SOBP: variants seen among roughly 807,000 people sequenced by gnomAD.
The protein encoded by SOBP is sine oculis binding protein homolog.
SOBP carries 4 observed loss-of-function variants against 53.6 expected under a neutral mutation model. The ratio of observed to expected loss-of-function variants is 0.07; its 90% CI spans 0.04 to 0.17. SOBP has a LOEUF of 0.17. Among genes scored for constraint, SOBP ranks in the 10% least tolerant of loss-of-function variants. The pLI is 1.00. For synonymous variants in SOBP, 584 were observed against 522.6 expected (o/e 1.12, Z -1.60); for missense variants, 1,088 against 1,204.7 (o/e 0.90, Z 1.43).
chr6:107,565,298 T>A (rs1784882961), intron 4 of SOBP, among the ~76,000 whole-genome samples: 1 of 152,078 alleles, frequency 6.6e-6, no homozygotes, highest in Non-Finnish European at 1.5e-5. Context: ...TCCCATTGAG[T>A]TCTTCTGTCT....
chr6:107,601,714 T>C lies in SOBP; in HGVS notation c.669+14539T>C, dbSNP rs575868306. Among the ~76,000 whole-genome samples the C allele has an allele frequency of 2.0e-5, 3 of 152,312 alleles. No individual in the cohort carries two copies. In the South Asian group the frequency reaches 6.2e-4, roughly 32 times the overall value. ...TCTCTGGAACCCCCATTCCGCTAAA[T>C]TGACCACATAGAATAATCATACTTC... On this transcript the variant is annotated intron_variant, in intron 5 of 6. Transcript: ENST00000317357.
chr6:107,524,257 T>G (rs912951756), intron 3 of SOBP, among the ~76,000 whole-genome samples: 1 of 152,224 alleles, frequency 6.6e-6, no homozygotes, highest in African/African-American at 2.4e-5. Flanking sequence ...CTTTTTGATC[T>G]GACTCCCTTG....
chr6:107,541,151 G>T (rs76710466), intron 4 of SOBP, among the ~76,000 whole-genome samples: 2,892 of 152,198 alleles, frequency 0.019, 95 homozygotes, highest in African/African-American at 0.064. Flanking sequence ...AGTTTGCTGT[G>T]GTTGAGGGTT....
intron 4 of SOBP, among the ~76,000 whole-genome samples, chr6:107,554,603 G>A (rs1020956308): frequency 6.6e-6 from 1 of 152,176 alleles, no homozygotes; most frequent in Non-Finnish European, 1.5e-5. Context: ...GAGGGCTGCT[G>A]GGGGAAGTAG....
At chr6:107,560,893 AG>A (rs1370106462) in intron 4 of SOBP, among the ~76,000 whole-genome samples, 1 of 152,192 alleles carries the variant, frequency 6.6e-6, no homozygotes, top group Non-Finnish European at 1.5e-5. Flanking sequence ...CCACCTTTTC[AG>A]GCTTTTTTAC....
chr6:107,558,522 C>T (rs556254279), intron 4 of SOBP, among the ~76,000 whole-genome samples: 6 of 152,188 alleles, frequency 3.9e-5, no homozygotes, highest in African/African-American at 1.4e-4. Flanking sequence ...CCCGCCTCGG[C>T]CTCCCAAAGT....
At chr6:107,595,168 G>A (rs999031364) in intron 5 of SOBP, among the ~76,000 whole-genome samples, 7 of 152,274 alleles carry the variant, frequency 4.6e-5, no homozygotes, top group Non-Finnish European at 8.8e-5. Flanking sequence ...GAAAGTCATG[G>A]CAATGTTTGC....
At position 107,635,154 on chromosome 6, in the gene SOBP, G is replaced by C. The variant is rs758833503; in HGVS notation, c.2310G>C (p.Ser770=). ...PEEPAVSELE[S]VKENNCASNC... ...AACCGGCGGTGAGCGAGCTAGAGTC[G>C]GTCAAGGAGAATAACTGTGCTTCCA... is the stretch of plus-strand genomic sequence containing the variant. Residue 770 remains serine, a synonymous_variant, in exon 6 of 7, where the codon TCG becomes TCC. Transcript: ENST00000317357. The surrounding 1 kb of genome is among the most constrained non-coding windows in gnomAD (Gnocchi z 4.5). 2 of 1,613,486 alleles carry C rather than the reference G, an allele frequency of 1.2e-6. No homozygotes were observed. The highest frequency in any genetic ancestry group is 1.7e-6 in the Non-Finnish European group (2 of 1,179,850).
chr6:107,558,749 C>T (rs545785703), intron 4 of SOBP, among the ~76,000 whole-genome samples: 6 of 151,254 alleles, frequency 4.0e-5, no homozygotes, highest in South Asian at 4.2e-4. Flanking sequence ...ATTTTAGTTC[C>T]GGTATGTTAA....
chr6:107,547,745 A>G (rs9386647), intron 4 of SOBP, among the ~76,000 whole-genome samples: 18,212 of 152,188 alleles, frequency 0.12, 1,783 homozygotes, highest in East Asian at 0.54. Flanking sequence ...TACATAGTAC[A>G]TACATTAATC....
chr6:107,642,245 GA>G (rs1251837012), intron 6 of SOBP, among the ~76,000 whole-genome samples: 4 of 147,982 alleles, frequency 2.7e-5, no homozygotes, highest in Non-Finnish European at 4.5e-5. Context: ...CCACAGCACA[GA>G]AAAAAAAAAT....
intron 5 of SOBP, among the ~76,000 whole-genome samples, chr6:107,614,756 G>A (rs1377637902): frequency 2.6e-5 from 4 of 152,188 alleles, no homozygotes; most frequent in African/African-American, 4.8e-5. Context: ...ATGACCCTGA[G>A]GTTTCAAAAA....
At chr6:107,499,909 T>A (rs1404069808) in intron 1 of SOBP, among the ~76,000 whole-genome samples, 2 of 152,182 alleles carry the variant, frequency 1.3e-5, no homozygotes, top group African/African-American at 4.8e-5. Context: ...TTACTGTTTT[T>A]CACATATATA....
intron 1 of SOBP, among the ~76,000 whole-genome samples, chr6:107,500,554 C>T (rs112287158): frequency 0.011 from 1,688 of 151,572 alleles, 22 homozygotes; most frequent in African/African-American, 0.039. Flanking sequence ...AGGAATCTCT[C>T]TCTGTCGCCC....
chr6:107,501,070 CA>C (rs1334397277), intron 1 of SOBP, among the ~76,000 whole-genome samples: 2 of 151,720 alleles, frequency 1.3e-5, no homozygotes, highest in Non-Finnish European at 2.9e-5. Context: ...TTTTCCATGA[CA>C]AAAAAGGGAA....
chr6:107,502,914 C>G (rs962806386), intron 1 of SOBP, among the ~76,000 whole-genome samples: 17 of 152,036 alleles, frequency 1.1e-4, no homozygotes, highest in Admixed American at 1.0e-3. Context: ...GTGTGTGCCA[C>G]CAGGGCCAGC....
chr6:107,634,980 G>A lies in SOBP; in HGVS notation c.2136G>A (p.Ala712=). ...GCGACCCAGGCCCGGGCGCCCCGGC[G>A]GGCCCCGAGGCGGCCGCGGCCTGCA... ...AAGDPGPGAP[A]GPEAAAACNV... The change falls in exon 6 of 7, where the codon GCG becomes GCA. Residue 712 remains alanine (A), a synonymous_variant. Transcript: ENST00000317357. This position sits in a 1 kb window ranked among gnomAD's most constrained non-coding sequence, Gnocchi z 4.5. The A allele has an allele frequency of 9.7e-7, 1 of 1,027,536 alleles. No individual in the cohort carries two copies. Among genetic ancestry groups the A allele is most frequent in the Non-Finnish European group, 1.2e-6 (1 of 859,870 alleles). 63.7% of individuals were successfully genotyped at this position (1,027,536 alleles called of 1,614,324 possible).
chr6:107,642,704 T>C (rs1771383246), intron 6 of SOBP, among the ~76,000 whole-genome samples: 1 of 152,202 alleles, frequency 6.6e-6, no homozygotes, highest in African/African-American at 2.4e-5. Flanking sequence ...CTCATCATTT[T>C]CCCCTCTGAA....
chr6:107,544,956 T>G (rs962280173), intron 4 of SOBP, among the ~76,000 whole-genome samples: 1 of 152,218 alleles, frequency 6.6e-6, no homozygotes, highest in African/African-American at 2.4e-5. Context: ...GTATGCAGCT[T>G]GTAACTCTTG....
Sources: allele counts gnomAD v4.1 joint callset (sites outside exome capture counted in the v4.1 genomes callset), GRCh38; gene constraint gnomAD v4.1.1; non-coding constraint Gnocchi (gnomAD v3.1); transcripts MANE v1.5; gene names NCBI Gene and HGNC (gene_info 2026-07-23, HGNC 2026-07-21).